The following PLEKHG4B variants were observed in gnomAD, a reference collection of about 807,000 sequenced individuals.
PLEKHG4B encodes pleckstrin homology and RhoGEF domain containing G4B.
In PLEKHG4B, 111 loss-of-function variants were observed where a neutral mutation model predicts 121.3. That is an observed-to-expected ratio of 0.92 (90% CI 0.78 to 1.07). The LOEUF is 1.07. Among genes scored for constraint, PLEKHG4B ranks in the 50% least tolerant of loss-of-function variants. PLEKHG4B has a pLI of 0.00. For synonymous variants in PLEKHG4B, 738 were observed against 725.0 expected (o/e 1.02, Z -0.29); for missense variants, 1,831 against 1,757.8 (o/e 1.04, Z -0.74).
intron 2 of PLEKHG4B, among the ~76,000 whole-genome samples, chr5:133,606 G>C (rs1001505978): frequency 6.6e-6 from 1 of 151,988 alleles, no homozygotes; most frequent in African/African-American, 2.4e-5. Flanking sequence ...TGCAGGAATG[G>C]CCATAATGAA....
chr5:134,674 G>A (rs989387135), intron 2 of PLEKHG4B, among the ~76,000 whole-genome samples: 5 of 151,392 alleles, frequency 3.3e-5, no homozygotes, highest in African/African-American at 9.7e-5. Context: ...GCTGAGACAC[G>A]AGAATCACTC....
Position 171,196 on chromosome 5 carries a change from C to A in PLEKHG4B, c.3820-18C>A. 6.2e-7 allele frequency: 1 copy of A among 1,602,388 alleles called. No individual in the cohort carries two copies. The highest frequency in any genetic ancestry group is 1.1e-5 in the South Asian group (1 of 90,396). ...CCTCAGCCAGGCCGGAGCTGACCCT[C>A]TCACCCGGCCCTTGCAGGACAAGCA... On this transcript the variant is annotated intron_variant, in intron 15 of 19. Transcript: ENST00000637938.
At position 181,814 on chromosome 5, in the gene PLEKHG4B, G is replaced by A. The variant is rs80134571; in HGVS notation, c.4564+139G>A. The A allele has an allele frequency of 1.1e-3, 1,454 of 1,338,382 alleles. 12 individuals are homozygous for A. In the African/African-American group the frequency reaches 0.018, roughly 16 times the overall value. The allele number at this position is 1,338,382 out of a possible 1,614,324, so 82.9% of individuals were successfully genotyped here. A position where few individuals can be genotyped will look rare whatever the true frequency, so the allele number is the denominator to read the frequency against. On this transcript the variant is annotated intron_variant, in intron 19 of 19. Transcript: ENST00000637938. The stretch of plus-strand genomic sequence containing the variant: ...GGCCTGTCGTCAAGGACACGGGTAC[G>A]GTGGCCTCGGCCCCGCCCTCACTCA...
intron 16 of PLEKHG4B, 45 bp from the exon 17 acceptor site, chr5:172,852 C>T (rs767830721): frequency 1.6e-5 from 26 of 1,607,132 alleles, no homozygotes; most frequent in East Asian, 8.9e-5. Flanking sequence ...CCACCACAGA[C>T]GCCGGATTTT....
chr5:130,451 C>G (rs1294685848), intron 2 of PLEKHG4B, among the ~76,000 whole-genome samples: 2 of 152,124 alleles, frequency 1.3e-5, no homozygotes, highest in East Asian at 1.9e-4. Context: ...CCCTTAACGC[C>G]CCCCCATGCC....
At chr5:164,062 G>A (rs1251604938) in intron 13 of PLEKHG4B, among the ~76,000 whole-genome samples, 1 of 152,246 alleles carries the variant, frequency 6.6e-6, no homozygotes, top group East Asian at 1.9e-4. Flanking sequence ...GATGCCGTCT[G>A]AACCTCCATC....
At chr5:99,461 G>A (rs11953772) in intron 1 of PLEKHG4B, among the ~76,000 whole-genome samples, 168 of 151,704 alleles carry the variant, frequency 1.1e-3, no homozygotes, top group African/African-American at 3.9e-3. Flanking sequence ...TTACCTTTAC[G>A]TTTAAATTTA....
intron 3 of PLEKHG4B, among the ~76,000 whole-genome samples, chr5:141,560 G>A (rs12152767): frequency 0.037 from 5,653 of 151,550 alleles, 136 homozygotes; most frequent in Middle Eastern, 0.14. Context: ...AACCCAGGAC[G>A]ACCTCACATC....
rs751161672 is a variant in PLEKHG4B at position 140,687 on chromosome 5, T to C, written c.1448T>C (p.Val483Ala). 1 of 1,594,580 alleles carries C rather than the reference T, an allele frequency of 6.3e-7. No individual in the cohort carries two copies. The highest frequency in any genetic ancestry group is 1.1e-5 in the South Asian group (1 of 89,072). ...QAVGTPNCVP[V>A]EGPGCTKEED... ...GTGGGGACCCCAAACTGTGTCCCAG[T>C]AGAGGGTCCCGGCTGCACCAAAGAG... is the stretch of plus-strand genomic sequence containing the variant. The change falls in exon 3 of 20, where the codon GTA (valine) becomes GCA (alanine). Residue 483 changes from valine to alanine, a missense_variant. By Grantham distance (64) the Val-to-Ala change is moderately conservative. Transcript: ENST00000637938.
At chr5:131,619 G>T (rs982190078) in intron 2 of PLEKHG4B, among the ~76,000 whole-genome samples, 3 of 152,124 alleles carry the variant, frequency 2.0e-5, no homozygotes, top group African/African-American at 4.8e-5. Flanking sequence ...AATCCTTTGG[G>T]TATATACCCA....
chr5:178,860 T>C (rs1167928929), intron 18 of PLEKHG4B, among the ~76,000 whole-genome samples: 2 of 152,256 alleles, frequency 1.3e-5, no homozygotes, highest in African/African-American at 2.4e-5. Flanking sequence ...AGTAGTTGCA[T>C]AGAACCTACA....
Position 156,999 on chromosome 5 carries a change from T to G in PLEKHG4B, c.2487+88T>G, listed in dbSNP as rs1229549841. Reference sequence around the variant, plus strand: ...AACCCTCTCACCTTCACACTGTGTCTTTAGGGCCTTGATCTGATTTCCATT... The same window carrying G: ...AACCCTCTCACCTTCACACTGTGTCGTTAGGGCCTTGATCTGATTTCCATT... On this transcript the variant is annotated intron_variant, in intron 11 of 19. Coordinates refer to ENST00000637938, the MANE Select transcript of PLEKHG4B (RefSeq NM_052909.5). This position sits in a 1 kb window ranked among gnomAD's most constrained non-coding sequence, Gnocchi z 4.4. The G allele has an allele frequency of 6.7e-7, 1 of 1,499,430 alleles. No homozygotes were observed. 92.9% of individuals were successfully genotyped at this position (1,499,430 alleles called of 1,614,324 possible). A position where few individuals can be genotyped will look rare whatever the true frequency, so the allele number is the denominator to read the frequency against.
chr5:158,903 T>G (rs1197467365), intron 11 of PLEKHG4B, among the ~76,000 whole-genome samples: 1 of 152,262 alleles, frequency 6.6e-6, no homozygotes, highest in South Asian at 2.1e-4. Flanking sequence ...CTTCCAGGAC[T>G]TCCCAGAGAA....
chr5:170,435 TG>T (rs994890550), intron 14 of PLEKHG4B, among the ~76,000 whole-genome samples: 5 of 152,102 alleles, frequency 3.3e-5, no homozygotes, highest in Non-Finnish European at 5.9e-5. Context: ...CTTGAGTAGC[TG>T]GGACTACAGG....
intron 2 of PLEKHG4B, among the ~76,000 whole-genome samples, chr5:136,014 C>T (rs1364659504): frequency 6.6e-6 from 1 of 151,888 alleles, no homozygotes; most frequent in African/African-American, 2.4e-5. Flanking sequence ...GTAATGAACC[C>T]TCACGTATAT....
rs1273206043 is a variant in PLEKHG4B at position 184,154 on chromosome 5, T to C, written c.*1831T>C. 1 of 152,026 alleles carries C rather than the reference T, an allele frequency of 6.6e-6. No homozygotes were observed. Among genetic ancestry groups the C allele is most frequent in the Non-Finnish European group, 1.5e-5 (1 of 68,022 alleles). 9.4% of individuals were successfully genotyped at this position (152,026 alleles called of 1,614,324 possible). ...AAGCTGCTAGTGTGCCCAGTCCGAG[T>C]CCTAAAGCCTCAGAGCCAGGGAAGC... On this transcript the variant is annotated 3_prime_UTR_variant, in exon 20 of 20. Transcript: ENST00000637938.
At position 140,261 on chromosome 5, in the gene PLEKHG4B, G is replaced by C; in HGVS notation, c.1022G>C (p.Gly341Ala). The change falls in exon 3 of 20, where the codon GGG (glycine) becomes GCG (alanine). Residue 341 changes from glycine to alanine, a missense_variant. Transcript: ENST00000637938. The stretch of plus-strand genomic sequence containing the variant: ...CCGAGCAGCAGGAGGCGGCCGCCGG[G>C]GGACCCCACTTGTGTGCAGCCTAGA... ...GIPSSRRRPP[G>A]DPTCVQPRRW... 1.4e-6 allele frequency: 2 copies of C among 1,455,070 alleles called. No homozygotes were observed. Among genetic ancestry groups the C allele is most frequent in the East Asian group, 2.5e-5 (1 of 39,960 alleles). 90.1% of individuals were successfully genotyped at this position (1,455,070 alleles called of 1,614,324 possible). A position where few individuals can be genotyped will look rare whatever the true frequency, so the allele number is the denominator to read the frequency against.
In PLEKHG4B at chr5:182,325, G is replaced by A; in HGVS notation, c.*2G>A. ...CTGAGCCGCACACGCCAGGCCTGAT[G>A]ACTGTCAGGGTGGCAGTGCCCATCA... On this transcript the variant is annotated 3_prime_UTR_variant, in exon 20 of 20. Transcript: ENST00000637938. 2 of 1,590,626 alleles carry A rather than the reference G, an allele frequency of 1.3e-6. No homozygotes were observed. The highest frequency in any genetic ancestry group is 1.7e-6 in the Non-Finnish European group (2 of 1,169,680).
rs1014718228 is a variant in PLEKHG4B, at chr5:139,719, G to C, written c.480G>C (p.Thr160=). 2.5e-6 allele frequency: 1 copy of C among 398,890 alleles called. No individual in the cohort carries two copies. Among genetic ancestry groups the C allele is most frequent in the East Asian group, 3.6e-5 (1 of 28,050 alleles). 24.7% of individuals were successfully genotyped at this position (398,890 alleles called of 1,614,324 possible). The change falls in exon 3 of 20, where the codon ACG becomes ACC. Residue 160 remains threonine (T), a synonymous_variant. Transcript: ENST00000637938. The surrounding 1 kb of genome is among the most constrained non-coding windows in gnomAD (Gnocchi z 5.0). ...VPEAMYGCVF[T]GAFLEWVNRE... ...AGGCCATGTATGGCTGTGTCTTCAC[G>C]GGGGCGTTCCTGGAGTGGGTGAACC...
Sources: allele counts gnomAD v4.1 joint callset (sites outside exome capture counted in the v4.1 genomes callset), GRCh38; gene constraint gnomAD v4.1.1; non-coding constraint Gnocchi (gnomAD v3.1); transcripts MANE v1.5; gene names NCBI Gene and HGNC (gene_info 2026-07-23, HGNC 2026-07-21).